Variants in RFC3 observed in about 807,000 individuals in gnomAD.
RFC3 encodes replication factor C subunit 3.
In RFC3, 41 loss-of-function variants were observed where a neutral mutation model predicts 45.1. The ratio of observed to expected loss-of-function variants is 0.91; its 90% CI spans 0.71 to 1.18. The LOEUF is 1.18. Among genes scored for constraint, RFC3 ranks in the 50% most tolerant of loss-of-function variants. RFC3 has a pLI of 0.00. For missense variants in RFC3, 423 were observed against 428.1 expected, an observed-to-expected ratio of 0.99 and a Z score of 0.10; for synonymous variants, 149 against 144.0, an observed-to-expected ratio of 1.03 and a Z score of -0.25.
At chr13:33,837,604 G>C (rs1428540128), downstream of RFC3, 1 of 151,908 alleles carries the variant, frequency 6.6e-6, no homozygotes, top group African/African-American at 2.4e-5. Flanking sequence ...TTAAAAAGTT[G>C]CTTAACTTTC....
chr13:33,842,565 A>T (rs2082207536), intron 8 of RFC3, among the ~76,000 whole-genome samples: 1 of 152,120 alleles, frequency 6.6e-6, no homozygotes, highest in Non-Finnish European at 1.5e-5. Flanking sequence ...AGCCTCTCTG[A>T]ATTCTGCTCC....
rs2082159815 is a variant in RFC3, at chr13:33,836,890, A to G, written c.*595A>G. ...GGTACTAAGAAATAAGCATGTTTTCACTAATTTAAGTACTTGAGACTCTTG... is the reference window on the plus strand; with the variant it reads ...GGTACTAAGAAATAAGCATGTTTTCGCTAATTTAAGTACTTGAGACTCTTG... On this transcript the variant is annotated 3_prime_UTR_variant, in exon 9 of 9. Coordinates refer to ENST00000380071, the MANE Select transcript of RFC3 (RefSeq NM_002915.4). The G allele has an allele frequency of 1.0e-6, 1 of 984,542 alleles. No individual in the cohort carries two copies. Among genetic ancestry groups the G allele is most frequent in the South Asian group, 4.7e-5 (1 of 21,266 alleles). The allele number at this position is 984,542 out of a possible 1,614,324, so 61.0% of individuals were successfully genotyped here.
intron 8 of RFC3, among the ~76,000 whole-genome samples, chr13:33,948,245 C>T (rs563200739): frequency 8.5e-5 from 13 of 152,326 alleles, no homozygotes; most frequent in Non-Finnish European, 1.6e-4. Flanking sequence ...GGCCAAGGTA[C>T]AGCTCAGGCC....
chr13:33,925,571 T>C (rs2082804829), intron 8 of RFC3, among the ~76,000 whole-genome samples: 1 of 110,684 alleles, frequency 9.0e-6, no homozygotes, highest in South Asian at 2.3e-4. Context: ...TAGTGTACTA[T>C]ATACATACAT....
chr13:33,947,117 T>A (rs1231150860), intron 8 of RFC3, among the ~76,000 whole-genome samples: 2 of 152,228 alleles, frequency 1.3e-5, no homozygotes, highest in Non-Finnish European at 2.9e-5. Flanking sequence ...GTTGATATGG[T>A]TTGGCTCTGT....
intron 8 of RFC3, among the ~76,000 whole-genome samples, chr13:33,882,122 A>C (rs1257724228): frequency 6.6e-6 from 1 of 152,228 alleles, no homozygotes; most frequent in Non-Finnish European, 1.5e-5. Flanking sequence ...TAGAACAGAT[A>C]ATTTCTTTGT....
chr13:33,903,136 G>C (rs2082651758), intron 8 of RFC3, among the ~76,000 whole-genome samples: 1 of 151,874 alleles, frequency 6.6e-6, no homozygotes, highest in Non-Finnish European at 1.5e-5. Flanking sequence ...CCAAGCTCTT[G>C]ACCAAATCCC....
At chr13:33,954,467 C>T (rs1170492878) in intron 8 of RFC3, among the ~76,000 whole-genome samples, 2 of 152,180 alleles carry the variant, frequency 1.3e-5, no homozygotes, top group Non-Finnish European at 2.9e-5. Context: ...TTAATCAGGC[C>T]ATTATGTGCA....
chr13:33,930,012 T>C (rs1256532048), intron 8 of RFC3, among the ~76,000 whole-genome samples: 2 of 152,134 alleles, frequency 1.3e-5, no homozygotes, highest in Non-Finnish European at 2.9e-5. Flanking sequence ...CATTGAGTGT[T>C]ACTGTTTTTC....
the RFC3 span, among the ~76,000 whole-genome samples, chr13:33,973,164 A>G: frequency 6.6e-6 from 1 of 152,168 alleles, no homozygotes; most frequent in Non-Finnish European, 1.5e-5. Context: ...GTATATATAT[A>G]TATACATAAG....
chr13:33,902,080 G>A (rs897557311), intron 8 of RFC3, among the ~76,000 whole-genome samples: 1 of 151,970 alleles, frequency 6.6e-6, no homozygotes, highest in South Asian at 2.1e-4. Flanking sequence ...CACTGATGAC[G>A]GAATATCAGT....
At chr13:33,834,674 C>G (rs1191455149) in intron 7 of RFC3, among the ~76,000 whole-genome samples, 1 of 151,980 alleles carries the variant, frequency 6.6e-6, no homozygotes, top group Non-Finnish European at 1.5e-5. Flanking sequence ...ATGTAATTGA[C>G]TTTTTAATCT....
At chr13:33,874,906 G>A (rs2082436220) in intron 8 of RFC3, among the ~76,000 whole-genome samples, 1 of 152,164 alleles carries the variant, frequency 6.6e-6, no homozygotes, top group African/African-American at 2.4e-5. Context: ...CTAACCATGG[G>A]AAACATTGAA....
chr13:33,960,492 C>T (rs1407896837), intron 8 of RFC3, among the ~76,000 whole-genome samples: 1 of 152,234 alleles, frequency 6.6e-6, no homozygotes, highest in East Asian at 1.9e-4. Flanking sequence ...GCCCATCTGA[C>T]ACACAGCCAG....
intron 8 of RFC3, among the ~76,000 whole-genome samples, chr13:33,934,873 T>G (rs1324478960): frequency 6.6e-6 from 1 of 152,092 alleles, no homozygotes; most frequent in Non-Finnish European, 1.5e-5. Flanking sequence ...CCAAGCCCCA[T>G]GTCCTATATC....
At chr13:33,918,459 A>G (rs2082746897) in intron 8 of RFC3, among the ~76,000 whole-genome samples, 1 of 152,050 alleles carries the variant, frequency 6.6e-6, no homozygotes, top group Non-Finnish European at 1.5e-5. Flanking sequence ...GTAACATAAT[A>G]CCTTCCTCAC....
intron 8 of RFC3, among the ~76,000 whole-genome samples, chr13:33,907,609 A>G (rs1015338699): frequency 6.6e-6 from 1 of 152,066 alleles, no homozygotes; most frequent in African/African-American, 2.4e-5. Context: ...CAGAATTAAA[A>G]TTGCCTCTTT....
rs541348675 is a variant in RFC3, at chr13:33,886,581, C to T, written c.879+51364C>T. ...GAAAAAAAACCCATCATTATTTCAG[C>T]CACTTTCTGTAGTATCCTGTTTTCT... On this transcript the variant is annotated intron_variant, in intron 8 of 8. Transcript: ENST00000434425. Among the ~76,000 whole-genome samples the T allele has an allele frequency of 1.1e-4, 16 of 150,980 alleles. No individual in the cohort carries two copies. In the East Asian group the frequency reaches 3.1e-3, roughly 29 times the overall value.
chr13:33,833,352 A>C (rs928310184), intron 7 of RFC3, among the ~76,000 whole-genome samples: 1 of 152,080 alleles, frequency 6.6e-6, no homozygotes, highest in Non-Finnish European at 1.5e-5. Flanking sequence ...TATGAGAAAA[A>C]TATTAACTTT....
Sources: allele counts gnomAD v4.1 joint callset (sites outside exome capture counted in the v4.1 genomes callset), GRCh38; gene constraint gnomAD v4.1.1; transcripts MANE v1.5; gene names NCBI Gene and HGNC (gene_info 2026-07-23, HGNC 2026-07-21).